The following DNAJC11 variants were observed in gnomAD, a reference collection of about 807,000 sequenced individuals.
DNAJC11 encodes DnaJ heat shock protein family (Hsp40) member C11.
Under a neutral mutation model 78.6 loss-of-function variants are expected in DNAJC11, and 15 were observed. That is an observed-to-expected ratio of 0.19 (90% CI 0.13 to 0.29). The LOEUF (loss-of-function observed/expected upper bound fraction) is 0.29, where lower values mean the gene tolerates loss of function less well. DNAJC11 is among the 10% of genes least tolerant of loss of function. The pLI is 1.00. For missense variants in DNAJC11, 547 were observed against 709.6 expected (o/e 0.77, Z 2.60); for synonymous variants, 292 against 272.1 (o/e 1.07, Z -0.72).
chr1:6,636,614 CA>C (rs1229596218), intron 14 of DNAJC11, among the ~76,000 whole-genome samples: 1 of 152,154 alleles, frequency 6.6e-6, no homozygotes, highest in East Asian at 1.9e-4. Flanking sequence ...TAAACAGAAT[CA>C]AATGCCATGA....
At chr1:6,637,105 C>T (rs1641791367) in intron 14 of DNAJC11, 93 bp downstream of exon 14, 2 of 1,537,180 alleles carry the variant, frequency 1.3e-6, no homozygotes, top group Non-Finnish European at 1.8e-6. Context: ...CCACCTTGGC[C>T]TTCCAAAGTG....
intron 10 of DNAJC11, among the ~76,000 whole-genome samples, chr1:6,643,038 C>T (rs948934162): frequency 1.3e-5 from 2 of 151,814 alleles, no homozygotes; most frequent in East Asian, 1.9e-4. Context: ...CAGAGCAGGG[C>T]GTGGTATCCT....
At chr1:6,694,463 C>T (rs768147993) in intron 1 of DNAJC11, among the ~76,000 whole-genome samples, 94 of 152,246 alleles carry the variant, frequency 6.2e-4, no homozygotes, top group South Asian at 8.3e-4. Context: ...AAAGTGCCTG[C>T]TTTCTGCTCT....
intron 7 of DNAJC11, among the ~76,000 whole-genome samples, chr1:6,650,778 CAGG>C (rs997040393): frequency 2.6e-5 from 4 of 152,058 alleles, no homozygotes; most frequent in Non-Finnish European, 5.9e-5. Context: ...AAGGTTGAGA[CAGG>C]AGAATAGCTT....
In DNAJC11 at chr1:6,634,363, G is replaced by GA; in HGVS notation, c.*1311dup. The GA allele has an allele frequency of 6.3e-6, 7 of 1,106,040 alleles. No individual in the cohort carries two copies. The highest frequency in any genetic ancestry group is 8.5e-6 in the Non-Finnish European group (7 of 828,354). 68.5% of individuals were successfully genotyped at this position (1,106,040 alleles called of 1,614,324 possible). On this transcript the variant is annotated 3_prime_UTR_variant, in exon 16 of 16. Transcript: ENST00000377577. Reference sequence around the variant, plus strand: ...AGAAACCTTTTTAAAAAATGGAGATGAATGTTACAGAATTGGACAACCCGA... The same window carrying GA: ...AGAAACCTTTTTAAAAAATGGAGATGAAATGTTACAGAATTGGACAACCCGA...
chr1:6,647,634 A>G (rs1189044297), intron 7 of DNAJC11, among the ~76,000 whole-genome samples: 1 of 151,348 alleles, frequency 6.6e-6, no homozygotes, highest in East Asian at 2.0e-4. Flanking sequence ...CCTGGCCAAC[A>G]TGGTGAAACC....
chr1:6,678,069 G>A (rs903609325), intron 3 of DNAJC11, among the ~76,000 whole-genome samples: 1 of 152,126 alleles, frequency 6.6e-6, no homozygotes, highest in Non-Finnish European at 1.5e-5. Flanking sequence ...TGAAGAAATC[G>A]TCTCCCATCA....
At chr1:6,637,757 GAGC>G in intron 12 of DNAJC11, 1 of 576,120 alleles carries the variant, frequency 1.7e-6, no homozygotes, top group Non-Finnish European at 3.1e-6. Flanking sequence ...CCACCGGTGG[GAGC>G]TCCCTTTCTA....
intron 4 of DNAJC11, 33 bp downstream of exon 4, chr1:6,667,676 A>G (rs377179117): frequency 1.3e-6 from 2 of 1,580,400 alleles, no homozygotes; most frequent in African/African-American, 2.7e-5. Context: ...CCTTTTCATG[A>G]AGTGTCCTCA....
At chr1:6,696,614 T>C (rs115115600) in intron 1 of DNAJC11, among the ~76,000 whole-genome samples, 2,983 of 152,290 alleles carry the variant, frequency 0.02, 47 homozygotes, top group Non-Finnish European at 0.029. Context: ...ATCTACCCTG[T>C]ACCAGAGAAG....
chr1:6,678,879 C>G (rs963904835), intron 2 of DNAJC11, among the ~76,000 whole-genome samples: 1 of 152,100 alleles, frequency 6.6e-6, no homozygotes, highest in Non-Finnish European at 1.5e-5. Flanking sequence ...GAATTCCTGG[C>G]CTTAAATGAT....
chr1:6,672,359 A>C (rs1180886943), intron 3 of DNAJC11, among the ~76,000 whole-genome samples: 3 of 152,206 alleles, frequency 2.0e-5, no homozygotes, highest in South Asian at 2.1e-4. Context: ...CAAAGCCTGG[A>C]AAGTGTGAAG....
chr1:6,662,584 G>A (rs1020111702), intron 4 of DNAJC11, among the ~76,000 whole-genome samples: 3 of 152,084 alleles, frequency 2.0e-5, no homozygotes, highest in Non-Finnish European at 4.4e-5. Flanking sequence ...TGTCGCTAGA[G>A]GGTTGTAAAT....
At chr1:6,672,378 AG>A (rs1329900813) in intron 3 of DNAJC11, among the ~76,000 whole-genome samples, 1 of 152,210 alleles carries the variant, frequency 6.6e-6, no homozygotes, top group African/African-American at 2.4e-5. Context: ...AGCTTCACAA[AG>A]GCTGCAGCAG....
At position 6,640,071 on chromosome 1, in the gene DNAJC11, C is replaced by CAAAAAA. The variant is rs56145914; in HGVS notation, c.1098-20_1098-15dup. On this transcript the variant is annotated splice_polypyrimidine_tract_variant and intron_variant, in intron 10 of 15. Transcript: ENST00000377577. ...GCCCTGTTGAGCCTGGGGAAAAATA[C>CAAAAAA]AAAAAAAAAAAAAAAAAAGCCAAGA... is the stretch of plus-strand genomic sequence containing the variant. 22 of 1,219,050 alleles carry CAAAAAA rather than the reference C, an allele frequency of 1.8e-5. No homozygotes were observed. Among genetic ancestry groups the CAAAAAA allele is most frequent in the African/African-American group, 6.8e-5 (3 of 44,156 alleles). 75.5% of individuals were successfully genotyped at this position (1,219,050 alleles called of 1,614,324 possible).
In DNAJC11 at chr1:6,645,878, A is replaced by G; in HGVS notation, c.805T>C (p.Tyr269His). 4 of 1,614,206 alleles carry G rather than the reference A, an allele frequency of 2.5e-6. No homozygotes were observed. Among genetic ancestry groups the G allele is most frequent in the Non-Finnish European group, 2.5e-6 (3 of 1,180,028 alleles). ...TGGATACCCCATCGCCACTGCAGGT[A>G]GCCCACGGTGTTCTTGTCTAGGTTC... ...ARNLDKNTVG[Y>H]LQWRWGIQSA... Residue 269 changes from tyrosine to histidine, a missense_variant, in exon 8 of 16, where the codon TAC becomes CAC. Coordinates refer to ENST00000377577, the MANE Select transcript of DNAJC11 (RefSeq NM_018198.4). This position sits in a 1 kb window ranked among gnomAD's most constrained non-coding sequence, Gnocchi z 4.1.
chr1:6,695,465 G>T (rs766758711), intron 1 of DNAJC11, among the ~76,000 whole-genome samples: 1 of 151,832 alleles, frequency 6.6e-6, no homozygotes, highest in Non-Finnish European at 1.5e-5. Flanking sequence ...AAGTGCTTAA[G>T]CCATTATTAC....
intron 4 of DNAJC11, among the ~76,000 whole-genome samples, chr1:6,665,361 G>A (rs1642278895): frequency 6.6e-6 from 1 of 151,992 alleles, no homozygotes; most frequent in Non-Finnish European, 1.5e-5. Context: ...GCACCACCAC[G>A]CCCATCCTCC....
At chr1:6,640,468 G>A (rs559298072) in intron 10 of DNAJC11, among the ~76,000 whole-genome samples, 5 of 152,326 alleles carry the variant, frequency 3.3e-5, no homozygotes, top group South Asian at 2.1e-4. Context: ...GTCAGTTAAG[G>A]AGGTTCTGCT....
Sources: gnomAD v4.1 joint callset for allele counts (sites outside exome capture counted in the v4.1 genomes callset) on GRCh38, gnomAD v4.1.1 for gene constraint, Gnocchi (gnomAD v3.1) non-coding constraint, MANE v1.5 for transcripts, NCBI Gene and HGNC (gene_info 2026-07-23, HGNC 2026-07-21) for gene names.